BTD: variants seen among roughly 807,000 people sequenced by gnomAD.
BTD encodes the protein biocytinase.
BTD carries 13 observed loss-of-function variants against 17.7 expected under a neutral mutation model. The ratio of observed to expected loss-of-function variants is 0.74; its 90% CI spans 0.48 to 1.17. The LOEUF is 1.17. Among genes scored for constraint, BTD ranks in the 50% most tolerant of loss-of-function variants. The pLI is 0.00. For missense variants in BTD, 674 were observed against 650.4 expected, an observed-to-expected ratio of 1.04 and a Z score of -0.39; for synonymous variants, 240 against 245.2, an observed-to-expected ratio of 0.98 and a Z score of 0.20.
rs2065728036 is a variant in BTD at position 15,647,750 on chromosome 3, T to C, written c.*2262T>C. The C allele has an allele frequency of 6.6e-6, 1 of 152,212 alleles. No homozygotes were observed. The allele number at this position is 152,212 out of a possible 1,614,324, so 9.4% of individuals were successfully genotyped here. A position where few individuals can be genotyped will look rare whatever the true frequency, so the allele number is the denominator to read the frequency against. ...TGGAGACAGGAAATCAAATGCATTT[T>C]TGGCTAAACCAGACTTGGGGGAAGT... On this transcript the variant is annotated 3_prime_UTR_variant, in exon 4 of 4. Transcript: ENST00000643237.
In BTD at chr3:15,643,815, A is replaced by G. The variant is rs1037654344; in HGVS notation, c.400-501A>G. On this transcript the variant is annotated intron_variant, in intron 3 of 3. Transcript: ENST00000643237. ...TGCACACCTGTAGTCCCAGCTTCTT[A>G]GGAGGCTGAGACGAGAGGATTGCTT... Among the ~76,000 whole-genome samples the G allele has an allele frequency of 2.6e-4, 39 of 149,280 alleles. 1 individual carries two copies. Among genetic ancestry groups the G allele is most frequent in the Non-Finnish European group, 4.7e-4 (32 of 67,476 alleles).
chr3:15,675,077 C>G (rs2066794451), intron 3 of BTD, among the ~76,000 whole-genome samples: 1 of 152,108 alleles, frequency 6.6e-6, no homozygotes, highest in Non-Finnish European at 1.5e-5. Flanking sequence ...TGAGACCAGC[C>G]TGGCCAATAT....
intron 3 of BTD, among the ~76,000 whole-genome samples, chr3:15,642,714 G>A (rs1024923634): frequency 6.6e-6 from 1 of 151,766 alleles, no homozygotes; most frequent in Admixed American, 6.6e-5. Flanking sequence ...TGTCTACCTC[G>A]GCCTGCCAAA....
chr3:15,625,322 A>G (rs1667137283), intron 1 of BTD, among the ~76,000 whole-genome samples: 2 of 152,148 alleles, frequency 1.3e-5, no homozygotes, highest in Admixed American at 6.5e-5. Flanking sequence ...TTAAGCTTTG[A>G]TAAAACCCCA....
intron 1 of BTD, among the ~76,000 whole-genome samples, chr3:15,617,165 T>G (rs1467025787): frequency 6.6e-6 from 1 of 152,234 alleles, no homozygotes. Flanking sequence ...TTGTTTACTT[T>G]CTTATTGTTG....
At position 15,652,978 on chromosome 3, in the gene BTD, A is replaced by C. The variant is rs1026241388; in HGVS notation, c.*7490A>C. On this transcript the variant is annotated 3_prime_UTR_variant, in exon 4 of 4. Transcript: ENST00000643237. The stretch of plus-strand genomic sequence containing the variant: ...ATGCTGAACAAACTTGTTTGCTTTG[A>C]AATCGGAAGTTCTAGAGGAGGTATT... Among the ~76,000 whole-genome samples the C allele has an allele frequency of 1.3e-5, 2 of 152,206 alleles. No homozygotes were observed. Among genetic ancestry groups the C allele is most frequent in the Non-Finnish European group, 2.9e-5 (2 of 68,040 alleles).
intron 3 of BTD, among the ~76,000 whole-genome samples, chr3:15,687,158 T>C (rs1329772254): frequency 2.0e-5 from 3 of 151,986 alleles, no homozygotes; most frequent in African/African-American, 7.3e-5. Flanking sequence ...TAGGCATGGC[T>C]GGTCTTGAAC....
In BTD at chr3:15,649,617, A is replaced by G. The variant is rs920774648; in HGVS notation, c.*4129A>G. ...GTGAACCTGGGTTTCTGGTCCAGCC[A>G]TAGCTACTTCTTTAAGCTCCTCCAG... On this transcript the variant is annotated 3_prime_UTR_variant, in exon 4 of 4. Coordinates refer to ENST00000643237, the MANE Select transcript of BTD (RefSeq NM_001370658.1). Among the ~76,000 whole-genome samples the G allele has an allele frequency of 7.9e-5, 12 of 152,232 alleles. No individual in the cohort carries two copies. The highest frequency in any genetic ancestry group is 1.2e-4 in the Non-Finnish European group (8 of 68,038).
At position 15,652,759 on chromosome 3, in the gene BTD, C is replaced by T. The variant is rs1206569118; in HGVS notation, c.*7271C>T. On this transcript the variant is annotated 3_prime_UTR_variant, in exon 4 of 4. Transcript: ENST00000643237. ...AAAATTCATCCAACACTCAATCTCC[C>T]AGCTATCCTGACTGCTCCTATACAG... Among the ~76,000 whole-genome samples the T allele has an allele frequency of 6.6e-6, 1 of 152,186 alleles. No homozygotes were observed. Among genetic ancestry groups the T allele is most frequent in the Non-Finnish European group, 1.5e-5 (1 of 68,040 alleles).
intron 3 of BTD, chr3:15,696,128 T>A (rs371523674): frequency 6.5e-7 from 1 of 1,546,292 alleles, no homozygotes; most frequent in African/African-American, 1.3e-5. Flanking sequence ...AATTCAGGAA[T>A]CTTACCAGCT....
At chr3:15,620,821 G>A (rs2064930950) in intron 1 of BTD, among the ~76,000 whole-genome samples, 1 of 152,186 alleles carries the variant, frequency 6.6e-6, no homozygotes, top group Non-Finnish European at 1.5e-5. Flanking sequence ...AGTGCCAATG[G>A]GATATATATA....
At chr3:15,601,649 T>A, upstream of BTD, 2 of 1,553,282 alleles carry the variant, frequency 1.3e-6, no homozygotes, top group Admixed American at 2.0e-5. Context: ...CCGGGAGAGG[T>A]GAGAATGTAA....
intron 1 of BTD, among the ~76,000 whole-genome samples, chr3:15,612,285 G>A (rs188144024): frequency 2.6e-5 from 4 of 152,220 alleles, no homozygotes; most frequent in Middle Eastern, 3.4e-3. Context: ...TTTTTTCAAA[G>A]AAGGCTGATG....
chr3:15,706,747 AC>A (rs1197046390), intron 3 of BTD, among the ~76,000 whole-genome samples: 2 of 152,102 alleles, frequency 1.3e-5, no homozygotes, highest in Non-Finnish European at 2.9e-5. Context: ...CCTCTCCAGC[AC>A]CTGTTGTTTC....
At chr3:15,664,377 G>C (rs1301741616) in intron 3 of BTD, among the ~76,000 whole-genome samples, 1 of 152,212 alleles carries the variant, frequency 6.6e-6, no homozygotes, top group Non-Finnish European at 1.5e-5. Context: ...TCCTTCTGGT[G>C]GCTGCTAGGC....
At chr3:15,655,559 GC>G (rs1290981492), downstream of BTD, among the ~76,000 whole-genome samples, 1 of 152,122 alleles carries the variant, frequency 6.6e-6, no homozygotes, top group Non-Finnish European at 1.5e-5. Flanking sequence ...TTTTGAATGC[GC>G]TGGCTTGGGA....
rs1400574409 is a variant in BTD, at chr3:15,647,646, A to G, written c.*2158A>G. ...TCATTTTCAGGGAAAAAATATATCT[A>G]TGACTAATGGTTGTGATTATGTTTT... On this transcript the variant is annotated 3_prime_UTR_variant, in exon 4 of 4. Transcript: ENST00000643237. 6.6e-6 allele frequency: 1 copy of G among 152,232 alleles called. No individual in the cohort carries two copies. Among genetic ancestry groups the G allele is most frequent in the African/African-American group, 2.4e-5 (1 of 41,464 alleles). 9.4% of individuals were successfully genotyped at this position (152,232 alleles called of 1,614,324 possible).
chr3:15,671,358 G>A (rs2066327450), intron 3 of BTD, among the ~76,000 whole-genome samples: 1 of 152,060 alleles, frequency 6.6e-6, no homozygotes, highest in South Asian at 2.1e-4. Flanking sequence ...GTGATGCCAA[G>A]CTTCAATTAT....
At chr3:15,693,191 T>C (rs1051492872) in intron 3 of BTD, among the ~76,000 whole-genome samples, 6 of 152,202 alleles carry the variant, frequency 3.9e-5, no homozygotes, top group African/African-American at 1.4e-4. Flanking sequence ...TACAGTAATG[T>C]AAATATACTT....
Sources: gnomAD v4.1 joint callset for allele counts (sites outside exome capture counted in the v4.1 genomes callset) on GRCh38, gnomAD v4.1.1 for gene constraint, MANE v1.5 for transcripts, NCBI Gene and HGNC (gene_info 2026-07-23, HGNC 2026-07-21) for gene names.